RSPH14: variants seen among roughly 807,000 people sequenced by gnomAD.
RSPH14 encodes the protein rhabdoid tumor deletion region gene 1.
RSPH14 carries 20 observed loss-of-function variants against 26.7 expected under a neutral mutation model. The observed-to-expected ratio is 0.75, with a 90% CI of 0.53 to 1.09. The LOEUF (loss-of-function observed/expected upper bound fraction) is 1.09, where lower values mean the gene tolerates loss of function less well. Ranked by LOEUF, RSPH14 falls within the 50% of genes least tolerant of loss-of-function variation. The pLI, the probability that RSPH14 is intolerant of heterozygous loss-of-function variation, is 0.00. For synonymous variants in RSPH14, 177 were observed against 189.3 expected (o/e 0.93, Z 0.53); for missense variants, 449 against 457.2 (o/e 0.98, Z 0.16).
At chr22:23,083,815 T>G (rs1416852462) in intron 4 of RSPH14, among the ~76,000 whole-genome samples, 1 of 152,194 alleles carries the variant, frequency 6.6e-6, no homozygotes, top group Non-Finnish European at 1.5e-5. Flanking sequence ...CCACACCTGT[T>G]CAAGGTCGCG....
chr22:23,061,721 A>C, intron 6 of RSPH14, 88 bp downstream of exon 6: 5 of 1,378,708 alleles, frequency 3.6e-6, no homozygotes, highest in Non-Finnish European at 4.9e-6. Context: ...AGTTTGGGGG[A>C]CGATACCCAG....
the RSPH14 span, chr22:23,161,765 G>A: frequency 3.5e-6 from 2 of 565,394 alleles, no homozygotes; most frequent in Non-Finnish European, 6.3e-6. Context: ...ACTAGAAAAG[G>A]CCCCCACTGG....
intron 4 of RSPH14, among the ~76,000 whole-genome samples, chr22:23,073,607 G>A (rs577194263): frequency 2.4e-4 from 37 of 152,310 alleles, no homozygotes; most frequent in South Asian, 8.3e-4. Flanking sequence ...TGGCCCTTTC[G>A]TGCGAACACC....
chr22:23,083,110 AG>A (rs899406056), intron 4 of RSPH14, among the ~76,000 whole-genome samples: 1 of 152,144 alleles, frequency 6.6e-6, no homozygotes, highest in Non-Finnish European at 1.5e-5. Flanking sequence ...CACAGACAGA[AG>A]GAACTGGAAA....
the RSPH14 span, chr22:23,180,449 C>G: frequency 5.9e-6 from 1 of 169,378 alleles, no homozygotes; most frequent in Non-Finnish European, 1.3e-5. Flanking sequence ...TTTAAGAGGC[C>G]CGCCTGGCTC....
rs547824260 is a variant in RSPH14 at position 23,071,851 on chromosome 22, G to T, written c.422-7718C>A. 3.0e-4 allele frequency among the ~76,000 whole-genome samples: 46 copies of T among 152,314 alleles called. No individual in the cohort carries two copies. Among genetic ancestry groups the T allele is most frequent in the Non-Finnish European group, 4.7e-4 (32 of 68,022 alleles). ...GTGGGCAGAGAGGAGAGAATAGACC[G>T]AGGCACTTGGGCAGTTAGGTCTGAT... On this transcript the variant is annotated intron_variant, in intron 4 of 6. Transcript: ENST00000216036. The surrounding 1 kb of genome is among the most constrained non-coding windows in gnomAD (Gnocchi z 4.1).
At chr22:23,119,712 C>T (rs1458829948) in intron 4 of RSPH14, among the ~76,000 whole-genome samples, 3 of 152,232 alleles carry the variant, frequency 2.0e-5, no homozygotes, top group Non-Finnish European at 2.9e-5. Flanking sequence ...AGGCGGCAAG[C>T]TCAGGTGCTT....
At chr22:23,115,594 C>T (rs1892410112) in intron 4 of RSPH14, among the ~76,000 whole-genome samples, 1 of 152,044 alleles carries the variant, frequency 6.6e-6, no homozygotes, top group Non-Finnish European at 1.5e-5. Context: ...GTGGGGTGAC[C>T]CTGCAGGGTG....
chr22:23,138,737 C>T (rs1195609537), intron 3 of RSPH14, 103 bp downstream of exon 3: 12 of 938,884 alleles, frequency 1.3e-5, no homozygotes, highest in Admixed American at 5.3e-5. Context: ...AAAACTGATG[C>T]GGCAGACAAC....
At position 23,075,703 on chromosome 22, in the gene RSPH14, C is replaced by T. The variant is rs190434791; in HGVS notation, c.422-11570G>A. ...CCGGGGGTGTTCCTTCTAGCAGCCT[C>T]CAACCAGAAACACACCCCGTCCCCG... On this transcript the variant is annotated intron_variant, in intron 4 of 6. Transcript: ENST00000216036. Among the ~76,000 whole-genome samples, 173 of 152,324 alleles carry T rather than the reference C, an allele frequency of 1.1e-3. 1 individual carries two copies. Among genetic ancestry groups the T allele is most frequent in the African/African-American group, 3.9e-3 (162 of 41,568 alleles).
At chr22:23,061,710 G>C in intron 6 of RSPH14, 99 bp downstream of exon 6, 1 of 1,452,586 alleles carries the variant, frequency 6.9e-7, no homozygotes, top group Non-Finnish European at 9.3e-7. Context: ...GCAAAGTGTG[G>C]AGTTTGGGGG....
In RSPH14 at chr22:23,097,408, C is replaced by T. The variant is rs150891907; in HGVS notation, c.422-33275G>A. ...GCCAGGGAACCTGGACAGCTCTAGG[C>T]AGTGGCCATGGTGCTAGGAGCCTGA... is the stretch of plus-strand genomic sequence containing the variant. On this transcript the variant is annotated intron_variant, in intron 4 of 6. Transcript: ENST00000216036. Among the ~76,000 whole-genome samples the T allele has an allele frequency of 3.2e-3, 489 of 152,328 alleles. 2 individuals carry two copies. Among genetic ancestry groups the T allele is most frequent in the African/African-American group, 0.011 (466 of 41,582 alleles).
At chr22:23,079,106 C>G (rs1476753583) in intron 4 of RSPH14, among the ~76,000 whole-genome samples, 2 of 152,202 alleles carry the variant, frequency 1.3e-5, no homozygotes, top group East Asian at 1.9e-4. Flanking sequence ...CATCAATGAA[C>G]AAACAGACCA....
chr22:23,070,191 G>A (rs570194406), intron 4 of RSPH14, among the ~76,000 whole-genome samples: 209 of 151,924 alleles, frequency 1.4e-3, no homozygotes, highest in South Asian at 3.9e-3. Context: ...TGTGCCCAAT[G>A]GACAGAGGGC....
At chr22:23,118,749 T>G (rs1025142512) in intron 4 of RSPH14, among the ~76,000 whole-genome samples, 6 of 152,166 alleles carry the variant, frequency 3.9e-5, no homozygotes, top group Admixed American at 3.3e-4. Flanking sequence ...TGCACTACCA[T>G]GGGGCAGGGC....
intron 4 of RSPH14, among the ~76,000 whole-genome samples, chr22:23,110,954 G>A (rs934779124): frequency 7.9e-5 from 12 of 152,178 alleles, no homozygotes; most frequent in African/African-American, 1.4e-4. Flanking sequence ...GTCCACTTGG[G>A]GTCAGCGACG....
chr22:23,174,990 TA>T, the RSPH14 span, among the ~76,000 whole-genome samples: 438 of 144,932 alleles, frequency 3.0e-3, 2 homozygotes, highest in African/African-American at 0.01. Flanking sequence ...AAAAAGATTG[TA>T]AAAAAAAAAT....
intron 4 of RSPH14, among the ~76,000 whole-genome samples, chr22:23,068,852 C>G (rs2068271354): frequency 6.6e-6 from 1 of 152,222 alleles, no homozygotes; most frequent in Admixed American, 6.5e-5. Flanking sequence ...TGTGGTCCTC[C>G]TGGCAAGAGG....
At chr22:23,095,598 C>A in intron 4 of RSPH14, 1 of 1,371,764 alleles carries the variant, frequency 7.3e-7, no homozygotes. Context: ...GCCTCCAGGG[C>A]AGCTGGGCTC....
Sources: allele counts gnomAD v4.1 joint callset (sites outside exome capture counted in the v4.1 genomes callset), GRCh38; gene constraint gnomAD v4.1.1; non-coding constraint Gnocchi (gnomAD v3.1); transcripts MANE v1.5; gene names NCBI Gene and HGNC (gene_info 2026-07-23, HGNC 2026-07-21).